CNNM2: variants seen among roughly 807,000 people sequenced by gnomAD.
CNNM2 encodes cyclin and CBS domain divalent metal cation transport mediator 2.
In CNNM2, 12 loss-of-function variants were observed where a neutral mutation model predicts 66.9. That is an observed-to-expected ratio of 0.18 (90% CI 0.11 to 0.29). The LOEUF is 0.29. CNNM2 is among the 10% of genes least tolerant of loss of function. CNNM2 has a pLI of 1.00. For missense variants in CNNM2, 705 were observed against 1,167.7 expected (o/e 0.60, Z 5.77); for synonymous variants, 557 against 501.8 (o/e 1.11, Z -1.47).
intron 1 of CNNM2, among the ~76,000 whole-genome samples, chr10:102,959,560 C>T (rs938665432): frequency 3.9e-5 from 6 of 152,060 alleles, no homozygotes; most frequent in Non-Finnish European, 8.8e-5. Flanking sequence ...TATCTGTAAG[C>T]CTCAGCTTCC....
intron 1 of CNNM2, among the ~76,000 whole-genome samples, chr10:102,970,273 C>A (rs970929974): frequency 6.6e-6 from 1 of 152,164 alleles, no homozygotes; most frequent in African/African-American, 2.4e-5. Context: ...CATGATTGTG[C>A]CCCTGCACTC....
chr10:103,057,119 A>G (rs1282049917), intron 4 of CNNM2, among the ~76,000 whole-genome samples, 155 bp downstream of exon 4: 1 of 152,214 alleles, frequency 6.6e-6, no homozygotes, highest in Non-Finnish European at 1.5e-5. Context: ...TCATATCTGT[A>G]AAGTAATTCT....
chr10:103,036,619 T>A (rs1270643983), intron 1 of CNNM2, among the ~76,000 whole-genome samples: 1 of 152,190 alleles, frequency 6.6e-6, no homozygotes, highest in Non-Finnish European at 1.5e-5. Flanking sequence ...CAAAAACCGT[T>A]TCTCTCTTAG....
At chr10:103,006,658 A>G (rs1479411787) in intron 1 of CNNM2, among the ~76,000 whole-genome samples, 2 of 151,080 alleles carry the variant, frequency 1.3e-5, no homozygotes, top group African/African-American at 2.4e-5. Context: ...TTAGGGTCTC[A>G]CTCTGTCACC....
chr10:103,011,662 G>GTA (rs1759833514), intron 1 of CNNM2, among the ~76,000 whole-genome samples: 1 of 149,820 alleles, frequency 6.7e-6, no homozygotes, highest in African/African-American at 2.5e-5. Flanking sequence ...GTGTGTGTGT[G>GTA]TGTGTGTGTG....
intron 1 of CNNM2, among the ~76,000 whole-genome samples, chr10:103,035,929 T>C (rs148787740): frequency 2.0e-5 from 3 of 152,342 alleles, no homozygotes; most frequent in Non-Finnish European, 2.9e-5. Flanking sequence ...GGGAAGTTCA[T>C]GGATCGAATT....
At chr10:102,983,456 T>C (rs2063749343) in intron 1 of CNNM2, among the ~76,000 whole-genome samples, 1 of 150,102 alleles carries the variant, frequency 6.7e-6, no homozygotes, top group South Asian at 2.2e-4. Context: ...GGTCAGGAGA[T>C]TGAGATCATC....
intron 1 of CNNM2, among the ~76,000 whole-genome samples, chr10:102,955,231 A>G (rs1417020520): frequency 6.6e-6 from 1 of 152,196 alleles, no homozygotes; most frequent in Non-Finnish European, 1.5e-5. Context: ...CCACACATCT[A>G]CAACCATCTG....
intron 1 of CNNM2, among the ~76,000 whole-genome samples, chr10:103,011,842 G>A (rs548242996): frequency 1.6e-4 from 24 of 152,016 alleles, no homozygotes; most frequent in Non-Finnish European, 2.8e-4. Context: ...ACAGGCACGC[G>A]CCACCATGCC....
At chr10:102,950,654 T>C (rs1846790902) in intron 1 of CNNM2, among the ~76,000 whole-genome samples, 1 of 151,918 alleles carries the variant, frequency 6.6e-6, no homozygotes, top group Non-Finnish European at 1.5e-5. Context: ...CTCATGACAC[T>C]GAGGCTGGAG....
chr10:103,010,913 G>A (rs944100010), intron 1 of CNNM2, among the ~76,000 whole-genome samples: 13 of 152,106 alleles, frequency 8.5e-5, no homozygotes, highest in South Asian at 2.1e-4. Context: ...GTGCCTGGCC[G>A]TGATATTTAT....
chr10:102,992,611 ATGGAGTG>A (rs2134244007), intron 1 of CNNM2, among the ~76,000 whole-genome samples: 1 of 152,088 alleles, frequency 6.6e-6, no homozygotes, highest in Non-Finnish European at 1.5e-5. Context: ...GTGAGTGAGA[ATGGAGTG>A]TGTGTAAAGG....
At chr10:102,994,672 A>G (rs1009055082) in intron 1 of CNNM2, among the ~76,000 whole-genome samples, 11 of 152,272 alleles carry the variant, frequency 7.2e-5, no homozygotes, top group African/African-American at 1.7e-4. Context: ...TGTCGGCTCC[A>G]GAATCATGCT....
chr10:102,951,640 CTT>C (rs759271515), intron 1 of CNNM2, among the ~76,000 whole-genome samples: 56 of 129,280 alleles, frequency 4.3e-4, no homozygotes, highest in Middle Eastern at 4.3e-3. Flanking sequence ...TTTTTTTTTT[CTT>C]TTTTTTTTTT....
In CNNM2 at chr10:103,077,671, C is replaced by T. The variant is rs1284099036; in HGVS notation, c.*491C>T. 2.5e-5 allele frequency: 4 copies of T among 160,530 alleles called. No individual in the cohort carries two copies. Among genetic ancestry groups the T allele is most frequent in the Admixed American group, 1.2e-4 (2 of 16,710 alleles). The allele number at this position is 160,530 out of a possible 1,614,324, so 9.9% of individuals were successfully genotyped here. On this transcript the variant is annotated 3_prime_UTR_variant, in exon 8 of 8. Coordinates refer to ENST00000369878, the MANE Select transcript of CNNM2 (RefSeq NM_017649.5). ...CTTGGCCCTCCCAGCGAGGGGCACC[C>T]TTCCTCTGTGCCCCAGTGGGCATCA... is the stretch of plus-strand genomic sequence containing the variant.
intron 4 of CNNM2, among the ~76,000 whole-genome samples, chr10:103,065,740 C>T (rs1014929585): frequency 1.3e-5 from 2 of 152,216 alleles, no homozygotes; most frequent in Non-Finnish European, 2.9e-5. Context: ...GGTCACGCAG[C>T]CACTCTTGAG....
chr10:103,038,902 A>G (rs537434913), intron 1 of CNNM2, among the ~76,000 whole-genome samples: 3 of 152,180 alleles, frequency 2.0e-5, no homozygotes, highest in African/African-American at 7.2e-5. Flanking sequence ...CTATTTTAAG[A>G]TCTGTGTCAC....
chr10:103,038,238 A>G (rs577772749), intron 1 of CNNM2, among the ~76,000 whole-genome samples: 19 of 152,296 alleles, frequency 1.2e-4, no homozygotes, highest in African/African-American at 3.9e-4. Context: ...TAAAACTGTA[A>G]AATCTGAGAA....
intron 5 of CNNM2, among the ~76,000 whole-genome samples, chr10:103,069,009 G>A (rs1470979996): frequency 1.3e-5 from 2 of 152,186 alleles, no homozygotes; most frequent in South Asian, 4.1e-4. Context: ...TGGTCCCCCA[G>A]AGTAACTGCT....
Sources: allele counts gnomAD v4.1 joint callset (sites outside exome capture counted in the v4.1 genomes callset), GRCh38; gene constraint gnomAD v4.1.1; transcripts MANE v1.5; gene names NCBI Gene and HGNC (gene_info 2026-07-23, HGNC 2026-07-21).